IMMP2L: variants seen among roughly 807,000 people sequenced by gnomAD.
The protein encoded by IMMP2L is mitochondrial inner membrane protease subunit 2.
A neutral mutation model predicts 19.3 loss-of-function variants in IMMP2L; 18 were observed. That is an observed-to-expected ratio of 0.93 (90% CI 0.64 to 1.38). The LOEUF is 1.38. Among genes scored for constraint, IMMP2L ranks in the 40% most tolerant of loss-of-function variants. IMMP2L has a pLI of 0.00. For synonymous variants in IMMP2L, 76 were observed against 73.0 expected (o/e 1.04, Z -0.21); for missense variants, 233 against 218.2 (o/e 1.07, Z -0.43).
intron 3 of IMMP2L, among the ~76,000 whole-genome samples, chr7:111,454,113 T>G (rs890003128): frequency 6.6e-6 from 1 of 152,138 alleles, no homozygotes; most frequent in Non-Finnish European, 1.5e-5. Context: ...TAAAAAACTT[T>G]GGACTTTTTG....
At chr7:110,792,268 T>G (rs1431345805) in intron 5 of IMMP2L, among the ~76,000 whole-genome samples, 8 of 151,614 alleles carry the variant, frequency 5.3e-5, no homozygotes, top group African/African-American at 1.7e-4. Context: ...TATACATACT[T>G]ACCTCCTAGA....
At chr7:110,973,106 G>A (rs1380337298) in intron 3 of IMMP2L, among the ~76,000 whole-genome samples, 2 of 151,934 alleles carry the variant, frequency 1.3e-5, no homozygotes, top group Non-Finnish European at 2.9e-5. Context: ...ATTGTACAGT[G>A]TGGTGACTCT....
chr7:110,936,742 C>A (rs187288733), intron 4 of IMMP2L, among the ~76,000 whole-genome samples: 2 of 152,024 alleles, frequency 1.3e-5, no homozygotes, highest in Admixed American at 1.3e-4. Flanking sequence ...TATAAAGACA[C>A]ATGCACACAC....
Position 110,924,507 on chromosome 7 carries a change from G to T in IMMP2L, c.306-37812C>A, listed in dbSNP as rs1295366608. On this transcript the variant is annotated intron_variant, in intron 4 of 5. Coordinates refer to ENST00000405709, the MANE Select transcript of IMMP2L (RefSeq NM_032549.4). The surrounding 1 kb of genome is among the most constrained non-coding windows in gnomAD (Gnocchi z 4.2). ...TTTATCCTACGTTTCTCTCACTATG[G>T]GGAACTGGGCAGGCCGGTTTTAATA... 6.6e-6 allele frequency among the ~76,000 whole-genome samples: 1 copy of T among 152,002 alleles called. No homozygotes were observed.
intron 1 of IMMP2L, among the ~76,000 whole-genome samples, chr7:111,549,024 T>C (rs1052202483): frequency 1.8e-4 from 28 of 152,194 alleles, no homozygotes; most frequent in African/African-American, 6.0e-4. Context: ...ACAATGAGAA[T>C]ATCCCAAAGG....
intron 3 of IMMP2L, among the ~76,000 whole-genome samples, chr7:111,456,572 C>G (rs1449260370): frequency 6.6e-6 from 1 of 152,146 alleles, no homozygotes; most frequent in Non-Finnish European, 1.5e-5. Context: ...ACAAAATATT[C>G]TAAATATTTA....
intron 1 of IMMP2L, among the ~76,000 whole-genome samples, chr7:111,549,424 A>C (rs1849236396): frequency 6.6e-6 from 1 of 152,198 alleles, no homozygotes; most frequent in Non-Finnish European, 1.5e-5. Flanking sequence ...CTAGCACCTG[A>C]ATAAAGATCT....
At chr7:110,764,454 A>G (rs1798537433) in intron 5 of IMMP2L, among the ~76,000 whole-genome samples, 1 of 152,154 alleles carries the variant, frequency 6.6e-6, no homozygotes, top group African/African-American at 2.4e-5. Context: ...CCAAAAATAA[A>G]GTGAATAGAT....
chr7:111,212,654 C>T (rs1379251525), intron 3 of IMMP2L, among the ~76,000 whole-genome samples: 2 of 151,906 alleles, frequency 1.3e-5, no homozygotes, highest in Admixed American at 6.6e-5. Flanking sequence ...ATAATTATTG[C>T]CACCATCATA....
chr7:111,022,089 T>A (rs1376709012), intron 3 of IMMP2L, among the ~76,000 whole-genome samples: 1 of 152,146 alleles, frequency 6.6e-6, no homozygotes, highest in Non-Finnish European at 1.5e-5. Context: ...CTAAGTAGAA[T>A]CACCTATGCT....
At chr7:110,701,541 C>T (rs1471991754) in intron 5 of IMMP2L, among the ~76,000 whole-genome samples, 1 of 152,084 alleles carries the variant, frequency 6.6e-6, no homozygotes, top group African/African-American at 2.4e-5. Flanking sequence ...CTGCCTCAGC[C>T]TCCTGAGTAG....
intron 3 of IMMP2L, among the ~76,000 whole-genome samples, chr7:111,441,233 C>G (rs1347833616): frequency 6.6e-6 from 1 of 151,902 alleles, no homozygotes; most frequent in African/African-American, 2.4e-5. Flanking sequence ...CTGTTCAGCA[C>G]AAGAGGCCTA....
intron 3 of IMMP2L, among the ~76,000 whole-genome samples, chr7:111,167,972 T>C (rs1318330224): frequency 1.3e-5 from 2 of 151,976 alleles, no homozygotes; most frequent in African/African-American, 2.4e-5. Context: ...TGTTGTTTTG[T>C]TGTTGGTGTT....
At position 110,870,047 on chromosome 7, in the gene IMMP2L, G is replaced by A. The variant is rs1463204701; in HGVS notation, c.408+16546C>T. Among the ~76,000 whole-genome samples the A allele has an allele frequency of 6.6e-6, 1 of 152,096 alleles. No homozygotes were observed. The highest frequency in any genetic ancestry group is 2.4e-5 in the African/African-American group (1 of 41,422). On this transcript the variant is annotated intron_variant, in intron 5 of 5. Coordinates refer to ENST00000405709, the MANE Select transcript of IMMP2L (RefSeq NM_032549.4). This position sits in a 1 kb window ranked among gnomAD's most constrained non-coding sequence, Gnocchi z 4.2. ...CTACCCCTCCTCCTAGTTTCAGCCA[G>A]CCTGTTCAGCTGACCTATCACAAAA...
At chr7:111,353,836 T>A (rs1416399456) in intron 3 of IMMP2L, among the ~76,000 whole-genome samples, 2 of 152,170 alleles carry the variant, frequency 1.3e-5, no homozygotes, top group Admixed American at 6.6e-5. Context: ...TAGTCAGCTA[T>A]ATATGTTACA....
intron 3 of IMMP2L, among the ~76,000 whole-genome samples, chr7:111,338,874 C>T (rs969011540): frequency 4.6e-5 from 7 of 152,104 alleles, no homozygotes; most frequent in Non-Finnish European, 1.0e-4. Flanking sequence ...CAGTTGGCAA[C>T]AAGCTTCACC....
rs1828440129 is a variant in IMMP2L, at chr7:111,353,960, G to A, written c.239+133278C>T. On this transcript the variant is annotated intron_variant, in intron 3 of 5. Coordinates refer to ENST00000405709, the MANE Select transcript of IMMP2L (RefSeq NM_032549.4). ...CATAGCTGCCTACATAGGGTCCTCT[G>A]ACAGAATATTAGGTGATAAAATGGT... Among the ~76,000 whole-genome samples the A allele has an allele frequency of 1.3e-5, 2 of 151,954 alleles. 1 individual carries two copies. Among genetic ancestry groups the A allele is most frequent in the Admixed American group, 1.3e-4 (2 of 15,232 alleles).
At chr7:110,777,331 G>A (rs537881638) in intron 5 of IMMP2L, among the ~76,000 whole-genome samples, 5 of 151,956 alleles carry the variant, frequency 3.3e-5, no homozygotes, top group South Asian at 2.1e-4. Context: ...ACAACCCCAC[G>A]AGCCATGTTT....
chr7:111,552,952 C>T (rs1056026825), intron 1 of IMMP2L, among the ~76,000 whole-genome samples: 2 of 152,128 alleles, frequency 1.3e-5, no homozygotes, highest in African/African-American at 4.8e-5. Context: ...CTGCCAACAC[C>T]AACTGGCCAG....
Sources: allele counts gnomAD v4.1 joint callset (sites outside exome capture counted in the v4.1 genomes callset), GRCh38; gene constraint gnomAD v4.1.1; non-coding constraint Gnocchi (gnomAD v3.1); transcripts MANE v1.5; gene names NCBI Gene and HGNC (gene_info 2026-07-23, HGNC 2026-07-21).